CCSER1: variants seen among roughly 807,000 people sequenced by gnomAD.
The protein encoded by CCSER1 is serine-rich coiled-coil domain-containing protein 1.
Under a neutral mutation model 82.0 loss-of-function variants are expected in CCSER1, and 41 were observed. The ratio of observed to expected loss-of-function variants is 0.50; its 90% CI spans 0.39 to 0.65. The LOEUF (loss-of-function observed/expected upper bound fraction) is 0.65. CCSER1 is among the 30% of genes least tolerant of loss of function. The pLI is 0.00. For missense variants in CCSER1, 1,119 were observed against 1,064.2 expected (o/e 1.05, Z -0.72); for synonymous variants, 414 against 383.9 (o/e 1.08, Z -0.92).
chr4:90,668,962 T>C (rs937612684), intron 6 of CCSER1, among the ~76,000 whole-genome samples: 19 of 152,032 alleles, frequency 1.2e-4, no homozygotes, highest in Non-Finnish European at 2.6e-4. Flanking sequence ...TTGCACAAGG[T>C]ATAATATAAT....
At chr4:91,217,778 CAG>C (rs1158483559) in intron 10 of CCSER1, among the ~76,000 whole-genome samples, 2 of 152,180 alleles carry the variant, frequency 1.3e-5, no homozygotes, top group East Asian at 1.9e-4. Flanking sequence ...CAGCTAGATA[CAG>C]AGTGTCCATT....
At chr4:90,447,935 T>C (rs1253962757) in intron 4 of CCSER1, among the ~76,000 whole-genome samples, 5 of 152,116 alleles carry the variant, frequency 3.3e-5, no homozygotes, top group Non-Finnish European at 2.9e-5. Flanking sequence ...TTTTCAGGGT[T>C]TTTTATTGTT....
chr4:90,586,232 T>C (rs1782004582), intron 5 of CCSER1, among the ~76,000 whole-genome samples: 1 of 152,188 alleles, frequency 6.6e-6, no homozygotes, highest in African/African-American at 2.4e-5. Context: ...GCGTGCTCCT[T>C]GTGAGACTCC....
chr4:90,797,694 C>G (rs1304363606), intron 7 of CCSER1, among the ~76,000 whole-genome samples: 2 of 152,170 alleles, frequency 1.3e-5, no homozygotes, highest in Non-Finnish European at 2.9e-5. Context: ...TCAGCATTTG[C>G]TTGTCTGAGA....
intron 10 of CCSER1, among the ~76,000 whole-genome samples, chr4:91,293,679 A>C (rs1258108982): frequency 6.6e-6 from 1 of 151,868 alleles, no homozygotes; most frequent in East Asian, 1.9e-4. Flanking sequence ...TGTTTTCTGC[A>C]AGATGTTGTT....
intron 8 of CCSER1, among the ~76,000 whole-genome samples, chr4:90,826,997 G>A (rs1479699672): frequency 1.3e-5 from 2 of 152,168 alleles, no homozygotes; most frequent in Non-Finnish European, 2.9e-5. Context: ...AACTGGAAAT[G>A]AGCATCAAGC....
At chr4:90,341,946 G>A (rs905120590) in intron 3 of CCSER1, among the ~76,000 whole-genome samples, 1 of 152,106 alleles carries the variant, frequency 6.6e-6, no homozygotes, top group African/African-American at 2.4e-5. Context: ...GCTTTAGAAT[G>A]CAGGGGTTTA....
At chr4:90,532,037 G>T (rs1774603438) in intron 5 of CCSER1, among the ~76,000 whole-genome samples, 1 of 152,038 alleles carries the variant, frequency 6.6e-6, no homozygotes, top group Non-Finnish European at 1.5e-5. Context: ...AAGAAAATAT[G>T]TTTGTAAGAT....
intron 9 of CCSER1, among the ~76,000 whole-genome samples, chr4:90,979,042 C>T (rs1735864761): frequency 6.6e-6 from 1 of 151,544 alleles, no homozygotes; most frequent in Non-Finnish European, 1.5e-5. Flanking sequence ...CTTCCAAGCA[C>T]CCTAAAACAA....
chr4:91,161,865 A>G (rs976683844), intron 10 of CCSER1, among the ~76,000 whole-genome samples: 2 of 152,206 alleles, frequency 1.3e-5, no homozygotes, highest in African/African-American at 2.4e-5. Context: ...TAAATACACA[A>G]TCATGTCATC....
intron 10 of CCSER1, among the ~76,000 whole-genome samples, chr4:91,181,962 C>T (rs949064244): frequency 2.4e-4 from 36 of 152,262 alleles, no homozygotes; most frequent in African/African-American, 8.2e-4. Context: ...CTGTGTCAGT[C>T]CTTATTGAAG....
At position 90,723,911 on chromosome 4, in the gene CCSER1, C is replaced by A. The variant is rs762025308; in HGVS notation, c.1933-3C>A. 2.0e-6 allele frequency: 3 copies of A among 1,510,146 alleles called. No homozygotes were observed. The East Asian group carries it at 7.2e-5, about 36-fold the overall frequency. 93.5% of individuals were successfully genotyped at this position (1,510,146 alleles called of 1,614,324 possible). A position where few individuals can be genotyped will look rare whatever the true frequency, so the allele number is the denominator to read the frequency against. On this transcript the variant is annotated splice_region_variant and splice_polypyrimidine_tract_variant and intron_variant, in intron 6 of 10. Transcript: ENST00000509176. ...ATTAAATTCAATTTCACTGTCCTTG[C>A]AGAGTGCAGACATGAGTCCAGCAAG...
At chr4:91,377,069 G>A (rs1275034029) in intron 10 of CCSER1, among the ~76,000 whole-genome samples, 34 of 152,206 alleles carry the variant, frequency 2.2e-4, no homozygotes, top group Non-Finnish European at 4.0e-4. Flanking sequence ...TCCCTACAAA[G>A]GACATGAACT....
chr4:90,912,669 T>A (rs896409769), intron 8 of CCSER1, among the ~76,000 whole-genome samples: 6 of 152,102 alleles, frequency 3.9e-5, no homozygotes, highest in African/African-American at 1.4e-4. Context: ...AGAAGAAGGC[T>A]TCAGAGGATC....
chr4:90,400,012 T>G, intron 3 of CCSER1, 24 bp from the exon 4 acceptor site: 2 of 1,400,366 alleles, frequency 1.4e-6, no homozygotes, highest in Non-Finnish European at 2.0e-6. Flanking sequence ...TGGTTTCTAA[T>G]TGTTGGTTTT....
chr4:90,565,884 A>G (rs185520249), intron 5 of CCSER1, among the ~76,000 whole-genome samples: 496 of 144,972 alleles, frequency 3.4e-3, no homozygotes, highest in African/African-American at 0.012. Flanking sequence ...TTTTTTTGAG[A>G]CAGTCTTGCT....
At chr4:90,547,814 ATTGAC>A (rs1408273992) in intron 5 of CCSER1, among the ~76,000 whole-genome samples, 6 of 152,276 alleles carry the variant, frequency 3.9e-5, no homozygotes, top group African/African-American at 1.4e-4. Context: ...ACCTTTACAA[ATTGAC>A]TTCAATTCAG....
chr4:90,545,946 A>T (rs901986455), intron 5 of CCSER1, among the ~76,000 whole-genome samples: 2 of 152,160 alleles, frequency 1.3e-5, no homozygotes, highest in Non-Finnish European at 2.9e-5. Flanking sequence ...AGCAAAATTT[A>T]GACAGAGGAA....
At chr4:90,729,052 A>G (rs1027521846) in intron 7 of CCSER1, among the ~76,000 whole-genome samples, 7 of 152,210 alleles carry the variant, frequency 4.6e-5, no homozygotes, top group African/African-American at 1.4e-4. Context: ...CTCTCTAGCT[A>G]TGTGAGACCT....
Sources: gnomAD v4.1 joint callset for allele counts (sites outside exome capture counted in the v4.1 genomes callset) on GRCh38, gnomAD v4.1.1 for gene constraint, MANE v1.5 for transcripts, NCBI Gene and HGNC (gene_info 2026-07-23, HGNC 2026-07-21) for gene names.